ZFP91: variants seen among roughly 807,000 people sequenced by gnomAD.
ZFP91 encodes E3 ubiquitin-protein ligase ZFP91.
ZFP91 carries 7 observed loss-of-function variants against 63.5 expected under a neutral mutation model. That is an observed-to-expected ratio of 0.11 (90% CI 0.06 to 0.21). The LOEUF (loss-of-function observed/expected upper bound fraction) is 0.21, where lower values mean the gene tolerates loss of function less well. ZFP91 is among the 10% of genes least tolerant of loss of function. The pLI, the probability that ZFP91 is intolerant of heterozygous loss-of-function variation, is 1.00. For missense variants in ZFP91, 628 were observed against 736.6 expected, an observed-to-expected ratio of 0.85 and a Z score of 1.71; for synonymous variants, 330 against 272.1, an observed-to-expected ratio of 1.21 and a Z score of -2.10.
At chr11:58,591,448 G>T (rs1324821350) in intron 2 of ZFP91, among the ~76,000 whole-genome samples, 1 of 151,794 alleles carries the variant, frequency 6.6e-6, no homozygotes, top group Non-Finnish European at 1.5e-5. Flanking sequence ...TTATTGGGAT[G>T]TAATTTATAC....
rs1855026765 is a variant in ZFP91 at position 58,579,112 on chromosome 11, G to C, written c.-170G>C. 3 of 509,482 alleles carry C rather than the reference G, an allele frequency of 5.9e-6. No individual in the cohort carries two copies. The highest frequency in any genetic ancestry group is 4.5e-5 in the Admixed American group (1 of 22,062). The allele number at this position is 509,482 out of a possible 1,614,324, so 31.6% of individuals were successfully genotyped here. ...GCGGTAGCGGACCTTGAGTGGCAGG[G>C]GGTGGGGGGGGCGCCCTCGGAGCCG... On this transcript the variant is annotated 5_prime_UTR_variant, in exon 1 of 11. Coordinates refer to ENST00000316059, the MANE Select transcript of ZFP91 (RefSeq NM_053023.5).
In ZFP91 at chr11:58,579,631, C is replaced by T. The variant is rs200824234; in HGVS notation, c.341+9C>T. On this transcript the variant is annotated intron_variant, in intron 1 of 10. Coordinates refer to ENST00000316059, the MANE Select transcript of ZFP91 (RefSeq NM_053023.5). ...AAGAGTCCGCGACTCCTGTGAGTAA[C>T]AGTCTTTCAGGCGGTGGGAAAGACC... The T allele has an allele frequency of 1.3e-4, 197 of 1,549,922 alleles. No individual in the cohort carries two copies. The highest frequency in any genetic ancestry group is 6.1e-5 in the Admixed American group (3 of 49,128).
chr11:58,616,508 T>C (rs936499473), intron 9 of ZFP91, among the ~76,000 whole-genome samples: 1 of 152,166 alleles, frequency 6.6e-6, no homozygotes, highest in African/African-American at 2.4e-5. Context: ...TTGTTTTTTT[T>C]TAAACAGGTC....
At chr11:58,602,910 C>G (rs1339429801) in intron 2 of ZFP91, among the ~76,000 whole-genome samples, 1 of 151,946 alleles carries the variant, frequency 6.6e-6, no homozygotes, top group Non-Finnish European at 1.5e-5. Context: ...ACCTAGGAGG[C>G]GATGATTGCG....
At chr11:58,612,452 A>C (rs1195155751) in intron 7 of ZFP91, 124 bp downstream of exon 7, 2 of 886,474 alleles carry the variant, frequency 2.3e-6, no homozygotes, top group Non-Finnish European at 3.5e-6. Context: ...AAGCAACTTC[A>C]CTAATGTCCT....
chr11:58,606,791 C>T (rs893155483), intron 2 of ZFP91, among the ~76,000 whole-genome samples: 4 of 152,124 alleles, frequency 2.6e-5, no homozygotes, highest in African/African-American at 4.8e-5. Context: ...AACATCTTTA[C>T]TCACCTTTTT....
chr11:58,613,872 C>A (rs755324991), intron 8 of ZFP91, among the ~76,000 whole-genome samples: 1 of 152,110 alleles, frequency 6.6e-6, no homozygotes, highest in Non-Finnish European at 1.5e-5. Context: ...TAACAATAGC[C>A]GCTCCTCCTC....
intron 9 of ZFP91, 89 bp from the exon 10 acceptor site, chr11:58,616,627 T>C (rs1475228323): frequency 2.4e-5 from 24 of 985,800 alleles, no homozygotes; most frequent in Non-Finnish European, 2.8e-5. Context: ...TACTCTAAAT[T>C]GCCTGCCCCA....
intron 2 of ZFP91, among the ~76,000 whole-genome samples, chr11:58,602,915 A>T (rs913741585): frequency 6.6e-6 from 1 of 152,070 alleles, no homozygotes; most frequent in African/African-American, 2.4e-5. Context: ...GGAGGCGATG[A>T]TTGCGGTGAG....
chr11:58,592,928 G>A (rs1855332236), intron 2 of ZFP91, among the ~76,000 whole-genome samples: 6 of 152,164 alleles, frequency 3.9e-5, no homozygotes, highest in Admixed American at 2.0e-4. Flanking sequence ...GAAGGTGGAG[G>A]TGGAGCAGGT....
intron 9 of ZFP91, among the ~76,000 whole-genome samples, chr11:58,615,103 C>T (rs7931125): frequency 0.026 from 4,034 of 152,266 alleles, 182 homozygotes; most frequent in African/African-American, 0.092. Flanking sequence ...AGTTACTTAA[C>T]TTCTCTTTTC....
rs1002067147 is a variant in ZFP91, at chr11:58,615,527, T to C, written c.1102+1184T>C. On this transcript the variant is annotated intron_variant, in intron 9 of 10. Coordinates refer to ENST00000316059, the MANE Select transcript of ZFP91 (RefSeq NM_053023.5). Reference sequence around the variant, plus strand: ...TTTGCAAATTAGTATATACAGACTTTTTTTTGCAAATGTCATTTATTTAGC... The same window carrying C: ...TTTGCAAATTAGTATATACAGACTTCTTTTTGCAAATGTCATTTATTTAGC... Among the ~76,000 whole-genome samples the C allele has an allele frequency of 4.1e-4, 62 of 152,364 alleles. 1 individual carries two copies. The highest frequency in any genetic ancestry group is 7.8e-4 in the Admixed American group (12 of 15,304).
intron 9 of ZFP91, among the ~76,000 whole-genome samples, chr11:58,614,825 T>A (rs1470473362): frequency 6.6e-6 from 1 of 152,154 alleles, no homozygotes; most frequent in African/African-American, 2.4e-5. Flanking sequence ...CCATAGGAAC[T>A]GTCAAAAAGA....
At chr11:58,608,927 G>T (rs969384699) in intron 2 of ZFP91, among the ~76,000 whole-genome samples, 1 of 152,088 alleles carries the variant, frequency 6.6e-6, no homozygotes, top group African/African-American at 2.4e-5. Context: ...TTTCTATTGG[G>T]TTATTAGACT....
chr11:58,584,170 A>G (rs894363638), intron 1 of ZFP91, among the ~76,000 whole-genome samples: 2 of 152,054 alleles, frequency 1.3e-5, no homozygotes, highest in Non-Finnish European at 2.9e-5. Flanking sequence ...GTTGCTTTTT[A>G]ATTTGTAAAG....
chr11:58,581,383 G>C (rs2134385271), intron 1 of ZFP91, among the ~76,000 whole-genome samples: 1 of 152,108 alleles, frequency 6.6e-6, no homozygotes, highest in South Asian at 2.1e-4. Flanking sequence ...TTTGGAGATG[G>C]AGTTTTTGCT....
chr11:58,608,584 T>C (rs1855605945), intron 2 of ZFP91, among the ~76,000 whole-genome samples: 1 of 152,028 alleles, frequency 6.6e-6, no homozygotes, highest in Non-Finnish European at 1.5e-5. Flanking sequence ...TCTGAGTGGA[T>C]TGAGCTTTGA....
chr11:58,584,984 A>G, intron 2 of ZFP91, 100 bp downstream of exon 2: 2 of 989,656 alleles, frequency 2.0e-6, no homozygotes, highest in East Asian at 3.1e-5. Flanking sequence ...TTTAAAAGGA[A>G]TTTTTATTTG....
At chr11:58,597,938 A>G (rs1170165893) in intron 2 of ZFP91, among the ~76,000 whole-genome samples, 6 of 152,148 alleles carry the variant, frequency 3.9e-5, no homozygotes, top group African/African-American at 7.2e-5. Context: ...GTGTTAGTCA[A>G]GGTTTCAGGT....
Sources: gnomAD v4.1 joint callset for allele counts (sites outside exome capture counted in the v4.1 genomes callset) on GRCh38, gnomAD v4.1.1 for gene constraint, MANE v1.5 for transcripts, NCBI Gene and HGNC (gene_info 2026-07-23, HGNC 2026-07-21) for gene names.